PKHD1: variants seen among roughly 807,000 people sequenced by gnomAD.
PKHD1 encodes the protein fibrocystin.
A neutral mutation model predicts 412.0 loss-of-function variants in PKHD1; 291 were observed. That is an observed-to-expected ratio of 0.71 (90% CI 0.64 to 0.78). The LOEUF is 0.78. Among genes scored for constraint, PKHD1 ranks in the 30% least tolerant of loss-of-function variants. PKHD1 has a pLI of 0.00. For missense variants in PKHD1, 4,825 were observed against 4,950.7 expected, an observed-to-expected ratio of 0.97 and a Z score of 0.76; for synonymous variants, 1,777 against 1,821.5, an observed-to-expected ratio of 0.98 and a Z score of 0.62.
intron 56 of PKHD1, among the ~76,000 whole-genome samples, chr6:51,753,896 A>C (rs559266032): frequency 6.6e-6 from 1 of 152,322 alleles, no homozygotes; most frequent in East Asian, 1.9e-4. Context: ...GTGGGAACTA[A>C]GCGTCTTGCT....
intron 28 of PKHD1, among the ~76,000 whole-genome samples, chr6:52,034,177 G>A (rs1173213130): frequency 7.2e-5 from 5 of 69,674 alleles, no homozygotes; most frequent in Non-Finnish European, 1.1e-4. Flanking sequence ...GGAACTCTAG[G>A]GGAAAAAAAA....
chr6:51,910,828 G>C (rs1285791645), intron 39 of PKHD1, among the ~76,000 whole-genome samples: 1 of 152,020 alleles, frequency 6.6e-6, no homozygotes, highest in Non-Finnish European at 1.5e-5. Flanking sequence ...GATTTGTAGG[G>C]AGGGAGGTGA....
chr6:51,803,004 T>C (rs1389740243), intron 52 of PKHD1, among the ~76,000 whole-genome samples: 1 of 151,152 alleles, frequency 6.6e-6, no homozygotes, highest in African/African-American at 2.5e-5. Context: ...TTATAATTGA[T>C]GTTTAAGAGA....
Position 51,618,457 on chromosome 6 carries a change from A to C in PKHD1, c.*624T>G, listed in dbSNP as rs532187384. 1.6e-3 allele frequency: 254 copies of C among 154,604 alleles called. 1 individual carries two copies. Among genetic ancestry groups the C allele is most frequent in the African/African-American group, 5.8e-3 (242 of 41,522 alleles). 9.6% of individuals were successfully genotyped at this position (154,604 alleles called of 1,614,324 possible). A position where few individuals can be genotyped will look rare whatever the true frequency, so the allele number is the denominator to read the frequency against. On this transcript the variant is annotated 3_prime_UTR_variant, in exon 67 of 67. Coordinates refer to ENST00000371117, the MANE Select transcript of PKHD1 (RefSeq NM_138694.4). ...TATCAATTTTCATGTGTAAATCCTC[A>C]TGAAGTGCAAATTTGATACGCTCAC...
At chr6:51,828,729 A>C (rs1363174288) in intron 52 of PKHD1, among the ~76,000 whole-genome samples, 2 of 151,998 alleles carry the variant, frequency 1.3e-5, no homozygotes, top group African/African-American at 4.8e-5. Flanking sequence ...AAACAAGGGG[A>C]GCCAGGAAAA....
At chr6:51,758,048 G>C (rs1787346908) in intron 55 of PKHD1, among the ~76,000 whole-genome samples, 1 of 130,772 alleles carries the variant, frequency 7.6e-6, no homozygotes, top group African/African-American at 2.8e-5. Context: ...GAGAGAGAGA[G>C]AGAGAAAACA....
chr6:51,844,596 T>A (rs1485614834), intron 50 of PKHD1, among the ~76,000 whole-genome samples: 1 of 152,082 alleles, frequency 6.6e-6, no homozygotes, highest in African/African-American at 2.4e-5. Context: ...TTTTTTCCAC[T>A]CAGCTGGGTT....
In PKHD1 at chr6:51,959,909, C is replaced by T. The variant is rs200929620; in HGVS notation, c.5869G>A (p.Asp1957Asn). The T allele has an allele frequency of 6.2e-7, 1 of 1,613,538 alleles. No homozygotes were observed. The highest frequency in any genetic ancestry group is 2.2e-5 in the East Asian group (1 of 44,866). ...AAGTTGAGGATGCTTGTGTTAGTGT[C>T]CAGCAGAAGCAATTGGCCATTCTCC... ...TVENGQLLLLDTNTSILNLLH... is the reference protein window; with the variant it reads ...TVENGQLLLLNTNTSILNLLH... The change falls in exon 36 of 67, where the codon GAC becomes AAC. Residue 1957 changes from aspartate (D) to asparagine (N), a missense_variant. By Grantham distance (23) the Asp-to-Asn change is conservative. Transcript: ENST00000371117.
At position 51,638,837 on chromosome 6, in the gene PKHD1, G is replaced by T; in HGVS notation, c.11506+12C>A. ...AAAAAACACAGAATAAAAGCACACT[G>T]TATAAAATTACCTGGAGGAGAAGTG... On this transcript the variant is annotated intron_variant, in intron 64 of 66. Coordinates refer to ENST00000371117, the MANE Select transcript of PKHD1 (RefSeq NM_138694.4). 5.5e-5 allele frequency: 72 copies of T among 1,314,266 alleles called. No individual in the cohort carries two copies. The highest frequency in any genetic ancestry group is 7.3e-5 in the Non-Finnish European group (66 of 910,170). The allele number at this position is 1,314,266 out of a possible 1,614,324, so 81.4% of individuals were successfully genotyped here.
Position 52,079,999 on chromosome 6 carries a change from C to T in PKHD1, c.291G>A (p.Leu97=). ...PVVTCRTRSV[L]SEAHEGLYFL... ...AGTACAGACCCTCATGTGCTTCAGACAGCACAGATCTGAGGACAGAAAGTG... is the reference window on the plus strand; with the variant it reads ...AGTACAGACCCTCATGTGCTTCAGATAGCACAGATCTGAGGACAGAAAGTG... Residue 97 remains leucine, a synonymous_variant, in exon 5 of 67, where the codon CTG becomes CTA. Transcript: ENST00000371117. 1 of 1,585,954 alleles carries T rather than the reference C, an allele frequency of 6.3e-7. No individual in the cohort carries two copies. The highest frequency in any genetic ancestry group is 8.7e-7 in the Non-Finnish European group (1 of 1,154,452).
chr6:52,081,386 C>T (rs941544473), intron 4 of PKHD1, among the ~76,000 whole-genome samples: 5 of 152,136 alleles, frequency 3.3e-5, no homozygotes, highest in East Asian at 1.9e-4. Context: ...TAAGATATTG[C>T]GCAATGCATC....
At chr6:52,077,648 G>A (rs916346452) in intron 5 of PKHD1, among the ~76,000 whole-genome samples, 10 of 152,176 alleles carry the variant, frequency 6.6e-5, no homozygotes, top group Admixed American at 4.6e-4. Context: ...CTTGCCAGGC[G>A]TAGGTTTTAA....
Position 51,733,220 on chromosome 6 carries a change from T to C in PKHD1, c.10156+11165A>G, listed in dbSNP as rs182027903. ...GGTTGCACAATACTATGAATGTATT[T>C]AATACCACTGAACTGTACACTTAAA... On this transcript the variant is annotated intron_variant, in intron 60 of 66. Coordinates refer to ENST00000371117, the MANE Select transcript of PKHD1 (RefSeq NM_138694.4). 1.4e-4 allele frequency among the ~76,000 whole-genome samples: 21 copies of C among 152,176 alleles called. No individual in the cohort carries two copies. In the East Asian group the frequency reaches 4.1e-3, roughly 29 times the overall value.
At chr6:51,840,188 G>A (rs922725153) in intron 50 of PKHD1, among the ~76,000 whole-genome samples, 2 of 152,002 alleles carry the variant, frequency 1.3e-5, no homozygotes, top group Admixed American at 6.6e-5. Flanking sequence ...CACAGAGAAG[G>A]CTTGCTTGTC....
intron 37 of PKHD1, among the ~76,000 whole-genome samples, chr6:51,927,693 C>T (rs1785892798): frequency 6.6e-6 from 1 of 152,172 alleles, no homozygotes; most frequent in Non-Finnish European, 1.5e-5. Flanking sequence ...AGCCTATTTG[C>T]TCAGCTGCTC....
intron 36 of PKHD1, among the ~76,000 whole-genome samples, chr6:51,938,679 C>T (rs951886633): frequency 1.3e-5 from 2 of 151,536 alleles, no homozygotes; most frequent in Non-Finnish European, 3.0e-5. Context: ...TTCACACAGA[C>T]GCAAGTGAAA....
intron 66 of PKHD1, among the ~76,000 whole-genome samples, chr6:51,623,601 T>G (rs1165048559): frequency 6.6e-6 from 1 of 152,180 alleles, no homozygotes; most frequent in African/African-American, 2.4e-5. Context: ...TTTATTTTTT[T>G]GAGATGGAGT....
Position 51,632,744 on chromosome 6 carries a change from T to C in PKHD1, c.11507-21A>G, listed in dbSNP as rs2174860. 46,297 of 1,598,530 alleles carry C rather than the reference T, an allele frequency of 0.029. 965 individuals carry two copies. Among genetic ancestry groups the C allele is most frequent in the African/African-American group, 0.094 (6,991 of 74,432 alleles). ...GACTCCTGTGGCGGGGAAAAGAAGA[T>C]GTTTCAATGATATGTTAATAAGATG... On this transcript the variant is annotated intron_variant, in intron 64 of 66. Coordinates refer to ENST00000371117, the MANE Select transcript of PKHD1 (RefSeq NM_138694.4).
chr6:52,051,209 T>C (rs986208232), intron 21 of PKHD1, among the ~76,000 whole-genome samples: 1 of 152,126 alleles, frequency 6.6e-6, no homozygotes, highest in African/African-American at 2.4e-5. Flanking sequence ...AATACTCCAC[T>C]CCTTTTAGCC....
Sources: allele counts gnomAD v4.1 joint callset (sites outside exome capture counted in the v4.1 genomes callset), GRCh38; gene constraint gnomAD v4.1.1; transcripts MANE v1.5; gene names NCBI Gene and HGNC (gene_info 2026-07-23, HGNC 2026-07-21).